Variants in RIN2 observed in about 807,000 individuals in gnomAD.
The protein encoded by RIN2 is Ras and Rab interactor 2.
A neutral mutation model predicts 78.0 loss-of-function variants in RIN2; 36 were observed. That is an observed-to-expected ratio of 0.46 (90% confidence interval 0.35 to 0.61). RIN2 has a LOEUF of 0.61. RIN2 is among the 20% of genes least tolerant of loss of function. RIN2 has a pLI of 0.00. For missense variants in RIN2, 1,087 were observed against 1,159.7 expected (o/e 0.94, Z 0.91); for synonymous variants, 466 against 466.8 (o/e 1.00, Z 0.02).
intron 2 of RIN2, among the ~76,000 whole-genome samples, chr20:19,805,989 A>G (rs987122704): frequency 1.3e-5 from 2 of 151,996 alleles, no homozygotes; most frequent in African/African-American, 2.4e-5. Context: ...TGTCCTTGTG[A>G]TAGTTTGCTG....
intron 2 of RIN2, among the ~76,000 whole-genome samples, chr20:19,882,632 G>C (rs2038058829): frequency 6.6e-6 from 1 of 152,154 alleles, no homozygotes; most frequent in Non-Finnish European, 1.5e-5. Context: ...GGCTGAGGTG[G>C]CTTATGACAC....
At chr20:19,980,044 C>CAAAAAAAAAAA (rs56268489) in intron 9 of RIN2, among the ~76,000 whole-genome samples, 13 of 72,692 alleles carry the variant, frequency 1.8e-4, no homozygotes, top group Admixed American at 3.5e-4. Context: ...AACTCCATCT[C>CAAAAAAAAAAA]AAAAAAAAAA....
At chr20:19,838,187 A>G (rs2036476795) in intron 2 of RIN2, among the ~76,000 whole-genome samples, 1 of 152,228 alleles carries the variant, frequency 6.6e-6, no homozygotes, top group Admixed American at 6.5e-5. Flanking sequence ...AGATTCTGCA[A>G]TAAGTAAGTC....
chr20:19,986,897 C>T (rs1172134092), intron 9 of RIN2, among the ~76,000 whole-genome samples: 1 of 152,250 alleles, frequency 6.6e-6, no homozygotes, highest in African/African-American at 2.4e-5. Context: ...CATGTAGACA[C>T]AGTCCAGATC....
At chr20:19,852,969 G>A (rs2037033616) in intron 2 of RIN2, among the ~76,000 whole-genome samples, 1 of 151,142 alleles carries the variant, frequency 6.6e-6, no homozygotes, top group Non-Finnish European at 1.5e-5. Context: ...GTGCCATGTT[G>A]GTGTGCTGCA....
chr20:19,854,533 G>T (rs2037100829), intron 2 of RIN2, among the ~76,000 whole-genome samples: 1 of 152,126 alleles, frequency 6.6e-6, no homozygotes, highest in Non-Finnish European at 1.5e-5. Flanking sequence ...TCTTCCATTT[G>T]TTTGTGTCCT....
At chr20:19,970,580 G>C (rs1279575245) in intron 7 of RIN2, among the ~76,000 whole-genome samples, 1 of 152,078 alleles carries the variant, frequency 6.6e-6, no homozygotes, top group African/African-American at 2.4e-5. Context: ...TAGCTACTCA[G>C]CAGGGCAATT....
At chr20:19,869,593 G>A (rs1262775408) in intron 2 of RIN2, among the ~76,000 whole-genome samples, 5 of 151,402 alleles carry the variant, frequency 3.3e-5, no homozygotes, top group Non-Finnish European at 7.4e-5. Flanking sequence ...CACTTTTACT[G>A]CTTAGAGATT....
chr20:19,915,159 A>G (rs949991886), intron 3 of RIN2, among the ~76,000 whole-genome samples: 4 of 152,204 alleles, frequency 2.6e-5, no homozygotes, highest in African/African-American at 9.6e-5. Flanking sequence ...CAGAATACGA[A>G]TGCAAGTAGT....
At chr20:19,770,299 G>A (rs2034061916) in intron 1 of RIN2, among the ~76,000 whole-genome samples, 2 of 152,168 alleles carry the variant, frequency 1.3e-5, no homozygotes, top group Non-Finnish European at 2.9e-5. Context: ...TGCAATTAAG[G>A]ATTATTTAAT....
intron 4 of RIN2, among the ~76,000 whole-genome samples, chr20:19,950,890 TTTTTTTTTTC>T: frequency 6.6e-6 from 1 of 151,376 alleles, no homozygotes; most frequent in Admixed American, 6.6e-5. Flanking sequence ...TAACCTTTTT[TTTTTTTTTTC>T]TTTTTTTGGG....
At chr20:19,823,136 G>A (rs575089210) in intron 2 of RIN2, among the ~76,000 whole-genome samples, 1 of 152,302 alleles carries the variant, frequency 6.6e-6, no homozygotes, top group African/African-American at 2.4e-5. Flanking sequence ...CACGCCTTTA[G>A]TGATTCCCTG....
chr20:19,988,962 C>T (rs938147054), intron 9 of RIN2, among the ~76,000 whole-genome samples: 10 of 152,086 alleles, frequency 6.6e-5, no homozygotes, highest in Non-Finnish European at 1.3e-4. Flanking sequence ...CATACATGCA[C>T]ACAAATACGT....
intron 9 of RIN2, among the ~76,000 whole-genome samples, chr20:19,980,044 C>CAAAAAAAAAAAA (rs56268489): frequency 5.5e-5 from 4 of 72,692 alleles, no homozygotes; most frequent in African/African-American, 1.0e-4. Flanking sequence ...AACTCCATCT[C>CAAAAAAAAAAAA]AAAAAAAAAA....
chr20:19,937,372 A>G (rs1490159435), intron 4 of RIN2, among the ~76,000 whole-genome samples: 1 of 152,216 alleles, frequency 6.6e-6, no homozygotes, highest in African/African-American at 2.4e-5. Context: ...CTGGCTCTGC[A>G]CGTCTGACGG....
At chr20:19,962,704 A>G (rs2041804713) in intron 6 of RIN2, among the ~76,000 whole-genome samples, 1 of 152,086 alleles carries the variant, frequency 6.6e-6, no homozygotes, top group Non-Finnish European at 1.5e-5. Context: ...GACTTGCTAT[A>G]AAAACATTCA....
intron 2 of RIN2, among the ~76,000 whole-genome samples, chr20:19,844,609 CTT>C: frequency 2.1e-5 from 1 of 47,454 alleles, no homozygotes; most frequent in Non-Finnish European, 4.4e-5. Flanking sequence ...TCCTCTTCTT[CTT>C]CTTCTTCTTC....
intron 4 of RIN2, among the ~76,000 whole-genome samples, chr20:19,947,625 C>T (rs1056771097): frequency 2.0e-5 from 3 of 152,228 alleles, no homozygotes; most frequent in African/African-American, 7.2e-5. Flanking sequence ...TTATTAAACA[C>T]TTACCATGTA....
At chr20:19,834,755 T>C (rs554873866) in intron 2 of RIN2, among the ~76,000 whole-genome samples, 4 of 152,326 alleles carry the variant, frequency 2.6e-5, no homozygotes, top group Non-Finnish European at 5.9e-5. Flanking sequence ...CTTCTGTCTT[T>C]TAAGTTGTAT....
Sources: gnomAD v4.1 joint callset for allele counts (sites outside exome capture counted in the v4.1 genomes callset) on GRCh38, gnomAD v4.1.1 for gene constraint, MANE v1.5 for transcripts, NCBI Gene and HGNC (gene_info 2026-07-23, HGNC 2026-07-21) for gene names.